Variants in GOLGA4 observed in about 807,000 individuals in gnomAD.
GOLGA4 encodes golgin A4, also known as golgin subfamily A member 4.
In GOLGA4, 169 loss-of-function variants were observed where a neutral mutation model predicts 265.9. The ratio of observed to expected loss-of-function variants is 0.64; its 90% CI spans 0.56 to 0.72. The LOEUF is 0.72. Ranked by LOEUF, GOLGA4 falls within the 30% of genes least tolerant of loss-of-function variation. GOLGA4 has a pLI of 0.00. For missense variants in GOLGA4, 2,482 were observed against 2,483.4 expected (o/e 1.00, Z 0.01); for synonymous variants, 923 against 855.8 (o/e 1.08, Z -1.37).
intron 2 of GOLGA4, among the ~76,000 whole-genome samples, chr3:37,262,693 A>G (rs1039084109): frequency 1.3e-5 from 2 of 152,274 alleles, no homozygotes; most frequent in South Asian, 4.1e-4. Context: ...GCTAGAGCCC[A>G]GGAGTTCAAG....
intron 21 of GOLGA4, among the ~76,000 whole-genome samples, chr3:37,350,633 G>C (rs1037215100): frequency 6.6e-6 from 1 of 152,010 alleles, no homozygotes; most frequent in Non-Finnish European, 1.5e-5. Context: ...TCCATTTCAT[G>C]CCACATGTTT....
At chr3:37,312,861 A>G (rs577854150) in intron 10 of GOLGA4, among the ~76,000 whole-genome samples, 2 of 152,158 alleles carry the variant, frequency 1.3e-5, no homozygotes, top group South Asian at 4.1e-4. Context: ...CAGCTAATTA[A>G]TATTCCTTTG....
intron 12 of GOLGA4, chr3:37,320,219 A>G (rs1360247462): frequency 1.3e-5 from 2 of 152,082 alleles, no homozygotes; most frequent in African/African-American, 4.8e-5. Context: ...AACAAAAAAT[A>G]TTTTTCTTCA....
intron 20 of GOLGA4, among the ~76,000 whole-genome samples, chr3:37,340,512 TAATAC>T (rs971192917): frequency 6.6e-6 from 1 of 152,188 alleles, no homozygotes; most frequent in African/African-American, 2.4e-5. Context: ...GGGTGGGGAA[TAATAC>T]AATACATTAA....
At chr3:37,252,376 T>C (rs2096736490) in intron 2 of GOLGA4, among the ~76,000 whole-genome samples, 1 of 151,746 alleles carries the variant, frequency 6.6e-6, no homozygotes. Flanking sequence ...ATGTAAACAT[T>C]GTAGTTAAAC....
chr3:37,286,619 TGTTTAAGAAGTTA>T (rs2096850208), intron 4 of GOLGA4, among the ~76,000 whole-genome samples: 1 of 152,182 alleles, frequency 6.6e-6, no homozygotes, highest in Admixed American at 6.5e-5. Context: ...ATCTCGGTAG[TGTTTAAGAAGTTA>T]GGATTTACAG....
At chr3:37,305,671 C>A (rs929485304) in intron 10 of GOLGA4, among the ~76,000 whole-genome samples, 30 of 152,088 alleles carry the variant, frequency 2.0e-4, no homozygotes, top group African/African-American at 7.2e-4. Flanking sequence ...AAGAACTGGC[C>A]ATGTGAAGGA....
intron 2 of GOLGA4, chr3:37,266,731 A>G: frequency 8.0e-6 from 3 of 373,830 alleles, no homozygotes; most frequent in Non-Finnish European, 1.6e-5. Flanking sequence ...GAAGGCCATT[A>G]TAGTGTTATG....
In GOLGA4 at chr3:37,325,915, G is replaced by A. The variant is rs1372179700; in HGVS notation, c.4029G>A (p.Gln1343=). 5.0e-6 allele frequency: 8 copies of A among 1,612,984 alleles called. No homozygotes were observed. Among genetic ancestry groups the A allele is most frequent in the Non-Finnish European group, 5.9e-6 (7 of 1,179,186 alleles). The change falls in exon 14 of 24, where the codon CAG becomes CAA. Residue 1343 remains glutamine (Q), a synonymous_variant. Coordinates refer to ENST00000361924, the MANE Select transcript of GOLGA4 (RefSeq NM_002078.5). ...CTGAAAAGGAGTCTTGTATAACACA[G>A]TTGAAGAAAGAGTTATCTGAAAACA... is the stretch of plus-strand genomic sequence containing the variant. ...AASEKESCIT[Q]LKKELSENIN...
rs746317808 is a variant in GOLGA4 at position 37,324,558 on chromosome 3, A to G, written c.2672A>G (p.Lys891Arg). Residue 891 changes from lysine to arginine, a missense_variant, in exon 14 of 24, where the codon AAA (lysine) becomes AGA (arginine). Physicochemically the swap from Lys to Arg is conservative, Grantham distance 26. Transcript: ENST00000361924. ...VKSLTQVYES[K>R]LEDGNKEQEQ... ...TCTTTAACCCAAGTCTATGAGTCCA[A>G]ACTTGAAGATGGTAACAAAGAACAG... 26 of 1,613,988 alleles carry G rather than the reference A, an allele frequency of 1.6e-5. No homozygotes were observed. The highest frequency in any genetic ancestry group is 1.9e-5 in the Non-Finnish European group (23 of 1,179,960).
At chr3:37,313,158 G>A (rs967556721) in intron 10 of GOLGA4, among the ~76,000 whole-genome samples, 2 of 151,998 alleles carry the variant, frequency 1.3e-5, no homozygotes, top group Non-Finnish European at 2.9e-5. Flanking sequence ...AGGGGAGATC[G>A]CGCCACTGCA....
chr3:37,253,988 C>T (rs1241247625), intron 2 of GOLGA4, among the ~76,000 whole-genome samples: 1 of 150,382 alleles, frequency 6.6e-6, no homozygotes, highest in Non-Finnish European at 1.5e-5. Flanking sequence ...TGCACTCTAG[C>T]CTGGGCGACA....
chr3:37,332,076 A>T (rs1408097380), intron 16 of GOLGA4, among the ~76,000 whole-genome samples: 1 of 152,034 alleles, frequency 6.6e-6, no homozygotes, highest in Non-Finnish European at 1.5e-5. Flanking sequence ...TAACATAGTC[A>T]TCTGTCTGTC....
intron 2 of GOLGA4, chr3:37,266,740 T>G (rs143795351): frequency 2.4e-6 from 1 of 414,162 alleles, no homozygotes; most frequent in African/African-American, 2.0e-5. Flanking sequence ...TATAGTGTTA[T>G]GCATGCTGCG....
chr3:37,279,427 A>ACC (rs1348946351), intron 2 of GOLGA4, among the ~76,000 whole-genome samples: 1 of 152,184 alleles, frequency 6.6e-6, no homozygotes, highest in Non-Finnish European at 1.5e-5. Context: ...TTCCAGGCAT[A>ACC]CCCAGATTCT....
chr3:37,292,492 C>T (rs766361918), intron 5 of GOLGA4, among the ~76,000 whole-genome samples: 76 of 152,116 alleles, frequency 5.0e-4, no homozygotes, highest in Non-Finnish European at 9.3e-4. Context: ...TCGAGACCAT[C>T]CTGGCCAACA....
chr3:37,337,342 G>T (rs546895256), intron 18 of GOLGA4, among the ~76,000 whole-genome samples, 179 bp downstream of exon 18: 1 of 151,912 alleles, frequency 6.6e-6, no homozygotes, highest in African/African-American at 2.4e-5. Flanking sequence ...GGGACTACAG[G>T]TATGTGCCAC....
At chr3:37,278,897 C>T (rs997989009) in intron 2 of GOLGA4, among the ~76,000 whole-genome samples, 1 of 151,240 alleles carries the variant, frequency 6.6e-6, no homozygotes, top group South Asian at 2.1e-4. Flanking sequence ...ACTGCAGCCT[C>T]AAACTCCTGG....
At chr3:37,318,117 T>A (rs1353153482) in intron 11 of GOLGA4, among the ~76,000 whole-genome samples, 1 of 152,086 alleles carries the variant, frequency 6.6e-6, no homozygotes, top group East Asian at 1.9e-4. Flanking sequence ...GTGTAAGGAG[T>A]GAGGTAAGGA....
Sources: allele counts gnomAD v4.1 joint callset (sites outside exome capture counted in the v4.1 genomes callset), GRCh38; gene constraint gnomAD v4.1.1; transcripts MANE v1.5; gene names NCBI Gene and HGNC (gene_info 2026-07-23, HGNC 2026-07-21).